Variants in DNAJB1 observed in about 807,000 individuals in gnomAD.
DNAJB1 encodes DnaJ heat shock protein family (Hsp40) member B1.
DNAJB1 carries 14 observed loss-of-function variants against 24.0 expected under a neutral mutation model. That is an observed-to-expected ratio of 0.58 (90% CI 0.39 to 0.91). The LOEUF (loss-of-function observed/expected upper bound fraction) is 0.91. Among genes scored for constraint, DNAJB1 ranks in the 40% least tolerant of loss-of-function variants. DNAJB1 has a pLI of 0.00. For missense variants in DNAJB1, 517 were observed against 458.1 expected, an observed-to-expected ratio of 1.13 and a Z score of -1.17; for synonymous variants, 262 against 174.4, an observed-to-expected ratio of 1.50 and a Z score of -3.96.
At position 14,515,951 on chromosome 19, in the gene DNAJB1, G is replaced by A. The variant is rs1220264154; in HGVS notation, c.1012C>T (p.Leu338Phe). 2 of 1,607,960 alleles carry A rather than the reference G, an allele frequency of 1.2e-6. No individual in the cohort carries two copies. The highest frequency in any genetic ancestry group is 2.2e-5 in the East Asian group (1 of 44,788). The change falls in exon 3 of 3, where the codon CTT becomes TTT. Residue 338 changes from leucine to phenylalanine, a missense_variant. Transcript: ENST00000254322. ...GGGAGCTCAGATAGCTATATTGGAAGAACCTGCTCAAGTACGGTTCTTGAT... is the reference window on the plus strand; with the variant it reads ...GGGAGCTCAGATAGCTATATTGGAAAAACCTGCTCAAGTACGGTTCTTGAT... Reference protein sequence around the residue: ...QTSRTVLEQVLPI With the variant: ...QTSRTVLEQVFPI
intron 1 of DNAJB1, among the ~76,000 whole-genome samples, chr19:14,556,081 C>T (rs955852075): frequency 6.6e-6 from 1 of 152,198 alleles, no homozygotes; most frequent in East Asian, 1.9e-4. Flanking sequence ...ACGTCCTCCC[C>T]GTGGCCCACA....
intron 1 of DNAJB1, among the ~76,000 whole-genome samples, chr19:14,543,405 A>T (rs866276238): frequency 1.5e-4 from 3 of 19,568 alleles, no homozygotes; most frequent in Non-Finnish European, 2.8e-4. Context: ...ATATATATAT[A>T]TATATATATA....
In DNAJB1 at chr19:14,515,570, T is replaced by C. The variant is rs550312962; in HGVS notation, c.*370A>G. 177 of 250,134 alleles carry C rather than the reference T, an allele frequency of 7.1e-4. No individual in the cohort carries two copies. The highest frequency in any genetic ancestry group is 1.6e-3 in the Admixed American group (28 of 17,346). The allele number at this position is 250,134 out of a possible 1,614,324, so 15.5% of individuals were successfully genotyped here. A position where few individuals can be genotyped will look rare whatever the true frequency, so the allele number is the denominator to read the frequency against. On this transcript the variant is annotated 3_prime_UTR_variant, in exon 3 of 3. Coordinates refer to ENST00000254322, the MANE Select transcript of DNAJB1 (RefSeq NM_006145.3). ...AGGGTCTGGGAATCAAGACTGCAGG[T>C]TGACATTATCTACCAGCCAGAAGCA...
upstream of DNAJB1, among the ~76,000 whole-genome samples, chr19:14,519,844 C>T (rs1599383638): frequency 6.6e-6 from 1 of 152,138 alleles, no homozygotes; most frequent in East Asian, 1.9e-4. Context: ...TCGCGTTTGG[C>T]TCTGAAAGTC....
At chr19:14,521,488 A>ATAATAATAATAATAT (rs2072359230), upstream of DNAJB1, among the ~76,000 whole-genome samples, 1 of 150,544 alleles carries the variant, frequency 6.6e-6, no homozygotes, top group African/African-American at 2.4e-5. Context: ...AATAATAATA[A>ATAATAATAATAATAT]TAAAAGTTTC....
chr19:14,555,527 C>T (rs537944989), intron 1 of DNAJB1, among the ~76,000 whole-genome samples: 133 of 149,550 alleles, frequency 8.9e-4, no homozygotes, highest in African/African-American at 2.4e-3. Context: ...CTCACCACAA[C>T]CTCCATCTCC....
chr19:14,535,293 G>A (rs1055175400), intron 1 of DNAJB1, among the ~76,000 whole-genome samples: 1 of 151,278 alleles, frequency 6.6e-6, no homozygotes, highest in Non-Finnish European at 1.5e-5. Context: ...GAATCACGAG[G>A]CCAGGAGATC....
intron 1 of DNAJB1, among the ~76,000 whole-genome samples, chr19:14,544,053 C>G (rs2073218450): frequency 6.6e-6 from 1 of 152,056 alleles, no homozygotes; most frequent in African/African-American, 2.4e-5. Context: ...AATAGTTTAA[C>G]AAAATCTCCC....
At chr19:14,555,449 T>G (rs989872921) in intron 1 of DNAJB1, among the ~76,000 whole-genome samples, 5 of 137,580 alleles carry the variant, frequency 3.6e-5, no homozygotes, top group Non-Finnish European at 8.0e-5. Flanking sequence ...TTTTTTTTTT[T>G]TTTTTTTTTT....
At position 14,516,301 on chromosome 19, in the gene DNAJB1, C is replaced by A. The variant is rs1201318088; in HGVS notation, c.793-131G>T. The A allele has an allele frequency of 2.4e-6, 3 of 1,275,772 alleles. No homozygotes were observed. The African/African-American group carries it at 4.5e-5, about 19-fold the overall frequency. 79.0% of individuals were successfully genotyped at this position (1,275,772 alleles called of 1,614,324 possible). On this transcript the variant is annotated intron_variant, in intron 2 of 2. Transcript: ENST00000254322. ...AGACCTGGCCCCCAAATCTACACGT[C>A]CCCACCACGAAAGCTCCACAACAGC... is the stretch of plus-strand genomic sequence containing the variant.
chr19:14,543,729 C>T (rs1425960354), intron 1 of DNAJB1, among the ~76,000 whole-genome samples: 4 of 148,292 alleles, frequency 2.7e-5, no homozygotes, highest in Non-Finnish European at 3.0e-5. Context: ...TGAGCCACCG[C>T]GCCCGGCTAT....
In DNAJB1 at chr19:14,515,891, C is replaced by T; in HGVS notation, c.*49G>A. The T allele has an allele frequency of 6.4e-7, 1 of 1,556,354 alleles. No homozygotes were observed. Among genetic ancestry groups the T allele is most frequent in the Non-Finnish European group, 8.7e-7 (1 of 1,145,308 alleles). ...ACAACTGGTAGAAAGGTCCAGAAAT[C>T]CTTGAGCTCTGGAAAGGTCCCTGGT... is the stretch of plus-strand genomic sequence containing the variant. On this transcript the variant is annotated 3_prime_UTR_variant, in exon 3 of 3. Transcript: ENST00000254322.
At chr19:14,551,171 A>C (rs969355444), upstream of DNAJB1, among the ~76,000 whole-genome samples, 1 of 151,646 alleles carries the variant, frequency 6.6e-6, no homozygotes, top group Non-Finnish European at 1.5e-5. Context: ...TCCCAGGTTC[A>C]TAACGATTCT....
chr19:14,529,562 G>A (rs1456120894), upstream of DNAJB1: 3 of 1,375,362 alleles, frequency 2.2e-6, no homozygotes, highest in South Asian at 1.2e-5. Context: ...GGGCGCGCGC[G>A]GCCTGGAGGG....
chr19:14,535,586 ATATGTATG>A (rs1266273826), intron 1 of DNAJB1, among the ~76,000 whole-genome samples: 2 of 41,080 alleles, frequency 4.9e-5, no homozygotes, highest in African/African-American at 1.4e-4. Flanking sequence ...ATATATATAT[ATATGTATG>A]TATATATAAA....
intron 1 of DNAJB1, among the ~76,000 whole-genome samples, chr19:14,542,368 T>TTTTTTTTTG (rs1281078662): frequency 7.6e-6 from 1 of 131,078 alleles, no homozygotes; most frequent in Non-Finnish European, 1.6e-5. Context: ...TTTTTTTTTT[T>TTTTTTTTTG]TTTTTTTTCT....
intron 1 of DNAJB1, among the ~76,000 whole-genome samples, chr19:14,557,519 T>A (rs1219031091): frequency 6.8e-6 from 1 of 148,134 alleles, no homozygotes; most frequent in Non-Finnish European, 1.5e-5. Context: ...TGGTGCGATA[T>A]CAGCTCACTG....
upstream of DNAJB1, among the ~76,000 whole-genome samples, chr19:14,551,952 T>C (rs1430229677): frequency 2.8e-5 from 3 of 106,268 alleles, no homozygotes; most frequent in Admixed American, 2.9e-4. Context: ...CCTCCCTCTC[T>C]CTCTCTCTCT....
chr19:14,518,068 G>A (rs1210252983), intron 1 of DNAJB1, 71 bp downstream of exon 1: 3 of 1,342,514 alleles, frequency 2.2e-6, no homozygotes, highest in South Asian at 1.7e-5. Context: ...GGGCCGCCGA[G>A]AGGGGCCAGC....
Sources: gnomAD v4.1 joint callset for allele counts (sites outside exome capture counted in the v4.1 genomes callset) on GRCh38, gnomAD v4.1.1 for gene constraint, MANE v1.5 for transcripts, NCBI Gene and HGNC (gene_info 2026-07-23, HGNC 2026-07-21) for gene names.